The following C3 variants were observed in gnomAD, a reference collection of about 807,000 sequenced individuals.
The protein encoded by C3 is C3 and PZP-like alpha-2-macroglobulin domain-containing protein 1.
C3 carries 97 observed loss-of-function variants against 207.9 expected under a neutral mutation model. The observed-to-expected ratio is 0.47, with a 90% CI of 0.40 to 0.55. The LOEUF (loss-of-function observed/expected upper bound fraction) is 0.55. C3 is among the 20% of genes least tolerant of loss of function. The probability of loss-of-function intolerance (pLI) is 0.00; values close to 1 mark genes in which losing one functional copy is unlikely to be tolerated. For missense variants in C3, 1,684 were observed against 2,171.7 expected (o/e 0.78, Z 4.46); for synonymous variants, 848 against 857.6 (o/e 0.99, Z 0.20).
chr19:6,696,960 T>C (rs57022480), intron 21 of C3, among the ~76,000 whole-genome samples: 2,680 of 151,064 alleles, frequency 0.018, 64 homozygotes, highest in African/African-American at 0.062. Flanking sequence ...GAGGATGGCG[T>C]GAACCCGGGA....
chr19:6,691,272 C>T (rs567373468), intron 26 of C3, among the ~76,000 whole-genome samples: 8 of 152,182 alleles, frequency 5.3e-5, no homozygotes, highest in South Asian at 4.2e-4. Context: ...AGGCTGGTCC[C>T]GAACTCCTGA....
At chr19:6,711,829 G>A (rs1056202482) in intron 11 of C3, among the ~76,000 whole-genome samples, 14 of 152,206 alleles carry the variant, frequency 9.2e-5, no homozygotes, top group African/African-American at 3.4e-4. Context: ...CAATGGGCCT[G>A]TCCCAAACAC....
rs771634941 is a variant in C3, at chr19:6,685,039, CT to C, written c.3917del (p.Lys1306ArgfsTer40). ...ATTCCCAGTGGATACGGTGGGTGAT[CT>C]TGGAGCTGCGGCTGGGCAGTTGGAG... ...VSLQLPSRSS[K>X]ITHRIHWESA... On this transcript the variant is annotated frameshift_variant, in exon 30 of 41. Coordinates refer to ENST00000245907, the MANE Select transcript of C3 (RefSeq NM_000064.4). LOFTEE classifies it high-confidence loss of function. 2 of 1,613,864 alleles carry C rather than the reference CT, an allele frequency of 1.2e-6. No individual in the cohort carries two copies. Among genetic ancestry groups the C allele is most frequent in the African/African-American group, 2.7e-5 (2 of 74,886 alleles).
At chr19:6,714,286 G>A (rs902920119) in intron 5 of C3, 38 bp from the exon 6 acceptor site, 1 of 1,611,722 alleles carries the variant, frequency 6.2e-7, no homozygotes, top group Non-Finnish European at 8.5e-7. Flanking sequence ...TCAGGCCTCG[G>A]AGCCCCCCTG....
In C3 at chr19:6,718,508, C is replaced by T. The variant is rs968275625; in HGVS notation, c.268-96G>A. On this transcript the variant is annotated intron_variant, in intron 2 of 40. Coordinates refer to ENST00000245907, the MANE Select transcript of C3 (RefSeq NM_000064.4). ...TGGGCTGGGTCCCTCCTTGCCTGCC[C>T]ATTATTCTTGGTCTTCCGAGGTGGC... 17 of 1,472,254 alleles carry T rather than the reference C, an allele frequency of 1.2e-5. No homozygotes were observed. The African/African-American group carries it at 1.9e-4, about 17-fold the overall frequency. 91.2% of individuals were successfully genotyped at this position (1,472,254 alleles called of 1,614,324 possible). A position where few individuals can be genotyped will look rare whatever the true frequency, so the allele number is the denominator to read the frequency against.
rs781520654 is a variant in C3, at chr19:6,690,623, A to G, written c.3489+6T>C. On this transcript the variant is annotated splice_donor_region_variant and intron_variant, in intron 27 of 40. Coordinates refer to ENST00000245907, the MANE Select transcript of C3 (RefSeq NM_000064.4). The stretch of plus-strand genomic sequence containing the variant: ...AGGGTAGGGTGGGAAGATGGAGGGC[A>G]CTTACGTTGACCTGCTCCTCGCAAA... 3.1e-6 allele frequency: 5 copies of G among 1,611,556 alleles called. No individual in the cohort carries two copies. Among genetic ancestry groups the G allele is most frequent in the Non-Finnish European group, 4.2e-6 (5 of 1,177,746 alleles).
At chr19:6,709,636 CT>C in intron 14 of C3, 47 bp downstream of exon 14, 1 of 1,546,754 alleles carries the variant, frequency 6.5e-7, no homozygotes, top group Non-Finnish European at 8.8e-7. Context: ...CCAGCCCCAG[CT>C]CCGTGCCTCC....
chr19:6,712,958 G>GA (rs1241255419), intron 9 of C3, among the ~76,000 whole-genome samples: 1 of 145,088 alleles, frequency 6.9e-6, no homozygotes, highest in East Asian at 2.0e-4. Flanking sequence ...CTGGGCCTGT[G>GA]CCCCCATCAG....
At chr19:6,717,775 G>C (rs1968069936) in intron 4 of C3, 1 of 504,948 alleles carries the variant, frequency 2.0e-6, no homozygotes, top group Non-Finnish European at 3.6e-6. Flanking sequence ...TGTGCTGTGT[G>C]TATTGTGTTG....
Position 6,702,703 on chromosome 19 carries a change from GC to G in C3, c.2246-125del, listed in dbSNP as rs1474554789. The G allele has an allele frequency of 1.7e-5, 13 of 744,126 alleles. No individual in the cohort carries two copies. In the African/African-American group the frequency reaches 1.9e-4, roughly 11 times the overall value. The allele number at this position is 744,126 out of a possible 1,614,324, so 46.1% of individuals were successfully genotyped here. On this transcript the variant is annotated intron_variant, in intron 17 of 40. Transcript: ENST00000245907. The stretch of plus-strand genomic sequence containing the variant: ...ACTTGAGGCCAGGAGTTGGAGACCA[GC>G]CTAGCTAACATGGTGAAACCCATCT...
chr19:6,679,175 A>G lies in C3; in HGVS notation c.4580T>C (p.Val1527Ala), dbSNP rs1917793343. 2 of 1,613,972 alleles carry G rather than the reference A, an allele frequency of 1.2e-6. No homozygotes were observed. The highest frequency in any genetic ancestry group is 3.3e-5 in the Admixed American group (2 of 59,986). Residue 1527 changes from valine to alanine, a missense_variant, in exon 38 of 41, where the codon GTC becomes GCC. Transcript: ENST00000245907. ...NCFIQKSDDK[V>A]TLEERLDKAC... ...CTTGTCCAGCCGTTCTTCCAGGGTG[A>G]CCTTGTCATCCGACTTTTGTATGAA...
chr19:6,713,245 G>A lies in C3; in HGVS notation c.947C>T (p.Ala316Val). 3.7e-6 allele frequency: 6 copies of A among 1,613,698 alleles called. No individual in the cohort carries two copies. In the South Asian group the frequency reaches 5.5e-5, roughly 15 times the overall value. ...CAAAGACTTCCCCACCAGGTCTTCT[G>A]CTCGGGGGTTCTGCACCCCGTCCAG... The part of the protein sequence containing the change: ...VLLDGVQNPR[A>V]EDLVGKSLYV... Residue 316 changes from alanine to valine, a missense_variant, in exon 9 of 41, where the codon GCA (alanine) becomes GTA (valine). By Grantham distance (64) the Ala-to-Val change is moderately conservative. Around this residue, in one of 3 missense-constraint regions of C3, gnomAD observed 1,280 missense variants for 1,739.1 expected, o/e 0.74. Transcript: ENST00000245907.
rs777425262 is a variant in C3 at position 6,686,725 on chromosome 19, C to G, written c.3646+21G>C. 1.6e-5 allele frequency: 26 copies of G among 1,612,050 alleles called. No homozygotes were observed. The African/African-American group carries it at 3.3e-4, about 21-fold the overall frequency. ...AACTTCAGCCATGCATCTCCCTTCA[C>G]CCCTCCAGGCCAACCCTCACCTTTG... On this transcript the variant is annotated intron_variant, in intron 28 of 40. Coordinates refer to ENST00000245907, the MANE Select transcript of C3 (RefSeq NM_000064.4).
rs191841138 is a variant in C3, at chr19:6,686,241, C to T, written c.3693G>A (p.Glu1231=). 18 of 1,614,164 alleles carry T rather than the reference C, an allele frequency of 1.1e-5. No homozygotes were observed. Among genetic ancestry groups the T allele is most frequent in the African/African-American group, 9.3e-5 (7 of 75,036 alleles). ...EDPGKQLYNV[E]ATSYALLALL... ...GGGCCAAGAGGGCATAGGATGTGGC[C>T]TCCACGTTGTAGAGCTGCTTACCAG... Residue 1231 remains glutamate (E), a synonymous_variant, in exon 29 of 41, where the codon GAG becomes GAA. Transcript: ENST00000245907.
intron 29 of C3, among the ~76,000 whole-genome samples, chr19:6,685,784 C>T (rs1917989708): frequency 6.6e-6 from 1 of 152,098 alleles, no homozygotes; most frequent in South Asian, 2.1e-4. Flanking sequence ...TAGAACCCAC[C>T]AGCAAGACAG....
At chr19:6,699,774 G>T (rs997263399) in intron 19 of C3, among the ~76,000 whole-genome samples, 1 of 151,924 alleles carries the variant, frequency 6.6e-6, no homozygotes, top group Non-Finnish European at 1.5e-5. Flanking sequence ...TGATATACTA[G>T]TAGATTATTA....
At chr19:6,718,053 C>T (rs751836583) in intron 4 of C3, 41 bp downstream of exon 4, 49 of 1,582,992 alleles carry the variant, frequency 3.1e-5, no homozygotes, top group Non-Finnish European at 3.9e-5. Flanking sequence ...CTCTCCTAAG[C>T]CTGTGCCCCT....
chr19:6,702,413 A>C, intron 18 of C3, 58 bp downstream of exon 18: 2 of 1,145,338 alleles, frequency 1.7e-6, no homozygotes, highest in South Asian at 2.4e-5. Flanking sequence ...TAGCAGGTGC[A>C]TGCAAATTAA....
intron 15 of C3, 102 bp from the exon 16 acceptor site, chr19:6,707,639 T>A (rs1967808947): frequency 6.5e-7 from 1 of 1,532,790 alleles, no homozygotes; most frequent in Admixed American, 1.7e-5. Flanking sequence ...CCTGCTCCCA[T>A]TTGATGGAAG....
Sources: gnomAD v4.1 joint callset for allele counts (sites outside exome capture counted in the v4.1 genomes callset) on GRCh38, gnomAD v4.1.1 for gene constraint, gnomAD v4.1.1 regional missense constraint, MANE v1.5 for transcripts, NCBI Gene and HGNC (gene_info 2026-07-23, HGNC 2026-07-21) for gene names.